ABCC4: variants seen among roughly 807,000 people sequenced by gnomAD.
The protein encoded by ABCC4 is ATP-binding cassette sub-family C member 4.
A neutral mutation model predicts 168.5 loss-of-function variants in ABCC4; 102 were observed. The ratio of observed to expected loss-of-function variants is 0.61; its 90% CI spans 0.52 to 0.71. The LOEUF is 0.71. Ranked by LOEUF, ABCC4 falls within the 30% of genes least tolerant of loss-of-function variation. ABCC4 has a pLI of 0.00. For synonymous variants in ABCC4, 617 were observed against 590.7 expected (o/e 1.04, Z -0.65); for missense variants, 1,402 against 1,605.8 (o/e 0.87, Z 2.17).
chr13:95,115,657 G>C (rs2035350144), intron 20 of ABCC4, among the ~76,000 whole-genome samples: 1 of 152,182 alleles, frequency 6.6e-6, no homozygotes, highest in African/African-American at 2.4e-5. Flanking sequence ...CCTAGAGGCA[G>C]ACGGAGAGCC....
chr13:95,024,907 T>A (rs1188925286), intron 30 of ABCC4, among the ~76,000 whole-genome samples: 3 of 151,982 alleles, frequency 2.0e-5, no homozygotes, highest in Admixed American at 6.6e-5. Context: ...TAAAATATCA[T>A]GAAGGGCTGC....
At chr13:95,198,776 C>T (rs1334270355) in intron 8 of ABCC4, among the ~76,000 whole-genome samples, 1 of 152,038 alleles carries the variant, frequency 6.6e-6, no homozygotes, top group Non-Finnish European at 1.5e-5. Context: ...TACTATGCAG[C>T]CATAAAAAAG....
rs561259138 is a variant in ABCC4 at position 95,175,781 on chromosome 13, C to G, written c.1727+1926G>C. On this transcript the variant is annotated intron_variant, in intron 13 of 30. Transcript: ENST00000645237. ...AAGAAAGCCCTCGGGAGGAGCTGCA[C>G]CTGCAGATGCATTGATCTCACACAT... is the stretch of plus-strand genomic sequence containing the variant. Among the ~76,000 whole-genome samples, 15 of 152,326 alleles carry G rather than the reference C, an allele frequency of 9.8e-5. 1 individual carries two copies. In the South Asian group the frequency reaches 2.7e-3, roughly 27 times the overall value.
At position 95,170,616 on chromosome 13, in the gene ABCC4, T is replaced by C. The variant is rs369698883; in HGVS notation, c.1740A>G (p.Gln580=). The change falls in exon 14 of 31, where the codon CAA becomes CAG. Residue 580 remains glutamine (Q), a synonymous_variant. Coordinates refer to ENST00000645237, the MANE Select transcript of ABCC4 (RefSeq NM_005845.5). ...AAATTGTGATCTTCTCATGCAAAAT[T>C]TGACAAATACACCTATAAATGTAAA... The part of the protein sequence containing the change: ...SRHLFELCIC[Q]ILHEKITILV... 50 of 1,610,110 alleles carry C rather than the reference T, an allele frequency of 3.1e-5. No homozygotes were observed. The highest frequency in any genetic ancestry group is 4.0e-5 in the Non-Finnish European group (47 of 1,178,320).
intron 13 of ABCC4, among the ~76,000 whole-genome samples, chr13:95,174,674 C>T (rs1175374070): frequency 6.6e-6 from 1 of 152,188 alleles, no homozygotes; most frequent in African/African-American, 2.4e-5. Flanking sequence ...CCTCCTTCCC[C>T]GCGGCGACTC....
intron 19 of ABCC4, among the ~76,000 whole-genome samples, chr13:95,131,246 AG>A (rs2035949090): frequency 6.6e-6 from 1 of 152,184 alleles, no homozygotes; most frequent in South Asian, 2.1e-4. Flanking sequence ...GATTAAAAAA[AG>A]GGGAAGCATG....
At position 95,210,682 on chromosome 13, in the gene ABCC4, T is replaced by G; in HGVS notation, c.621+10A>C. ...ATGCAATGAAAAAGGATCCCTGAGCTGCAGCTTACCTGATCAAACTTGTTC... is the reference window on the plus strand; with the variant it reads ...ATGCAATGAAAAAGGATCCCTGAGCGGCAGCTTACCTGATCAAACTTGTTC... On this transcript the variant is annotated intron_variant, in intron 5 of 30. Coordinates refer to ENST00000645237, the MANE Select transcript of ABCC4 (RefSeq NM_005845.5). 6.2e-7 allele frequency: 1 copy of G among 1,612,356 alleles called. No individual in the cohort carries two copies.
rs547326507 is a variant in ABCC4, at chr13:95,246,121, A to G, written c.306+854T>C. On this transcript the variant is annotated intron_variant, in intron 3 of 30. Coordinates refer to ENST00000645237, the MANE Select transcript of ABCC4 (RefSeq NM_005845.5). ...CCTAGGCAGAACACTGTCTTTCTGC[A>G]GATCTCAAGAGAGGCCCTTCGGGGT... Among the ~76,000 whole-genome samples the G allele has an allele frequency of 3.9e-5, 6 of 152,296 alleles. No homozygotes were observed. The South Asian group carries it at 1.2e-3, about 32-fold the overall frequency.
intron 3 of ABCC4, among the ~76,000 whole-genome samples, chr13:95,239,377 A>C (rs1336845747): frequency 6.6e-6 from 1 of 152,194 alleles, no homozygotes; most frequent in Non-Finnish European, 1.5e-5. Flanking sequence ...ATTTGGAAAT[A>C]CCCACATAAA....
At chr13:95,101,354 ATT>A (rs4148526) in intron 20 of ABCC4, among the ~76,000 whole-genome samples, 22 of 141,830 alleles carry the variant, frequency 1.6e-4, no homozygotes, top group African/African-American at 2.1e-4. Flanking sequence ...CAAGCTGCTG[ATT>A]TTTTTTTTTT....
In ABCC4 at chr13:95,197,960, A is replaced by G. The variant is rs117224332; in HGVS notation, c.1162-3023T>C. On this transcript the variant is annotated intron_variant, in intron 8 of 30. Coordinates refer to ENST00000645237, the MANE Select transcript of ABCC4 (RefSeq NM_005845.5). ...GGAAATTGAAAAGTATGAGTAAGAA[A>G]GACAATAGATTAAAGACTTAAATAT... 6.2e-4 allele frequency among the ~76,000 whole-genome samples: 94 copies of G among 152,278 alleles called. 2 individuals carry two copies. In the East Asian group the frequency reaches 0.016, roughly 27 times the overall value.
At chr13:95,056,032 T>C (rs1340977969) in intron 26 of ABCC4, among the ~76,000 whole-genome samples, 1 of 152,132 alleles carries the variant, frequency 6.6e-6, no homozygotes. Flanking sequence ...CATATAAACT[T>C]CTGGAAGACA....
At chr13:95,256,668 G>A (rs1487390177) in intron 1 of ABCC4, among the ~76,000 whole-genome samples, 3 of 152,022 alleles carry the variant, frequency 2.0e-5, no homozygotes, top group Admixed American at 6.6e-5. Context: ...TGAGGTGGGA[G>A]AATCACCTGA....
At chr13:95,035,216 A>G (rs538948051) in intron 29 of ABCC4, among the ~76,000 whole-genome samples, 1 of 152,356 alleles carries the variant, frequency 6.6e-6, no homozygotes, top group African/African-American at 2.4e-5. Flanking sequence ...AGCCAGTTTC[A>G]TAGACTCTAA....
At chr13:95,292,780 G>A (rs985361591) in intron 1 of ABCC4, among the ~76,000 whole-genome samples, 12 of 152,118 alleles carry the variant, frequency 7.9e-5, no homozygotes, top group South Asian at 4.1e-4. Context: ...AGGAGCTAGC[G>A]CAGAGAAAAG....
intron 26 of ABCC4, among the ~76,000 whole-genome samples, chr13:95,057,484 C>G (rs937391636): frequency 6.6e-6 from 1 of 152,134 alleles, no homozygotes; most frequent in African/African-American, 2.4e-5. Flanking sequence ...GTGATCCACC[C>G]TCCTTGGCCT....
chr13:95,242,975 T>A (rs1185490276), intron 3 of ABCC4, among the ~76,000 whole-genome samples: 1 of 152,254 alleles, frequency 6.6e-6, no homozygotes. Flanking sequence ...CCAGTTATTA[T>A]GTTAAAGACA....
At chr13:95,276,355 C>G (rs1489223167) in intron 1 of ABCC4, among the ~76,000 whole-genome samples, 1 of 146,112 alleles carries the variant, frequency 6.8e-6, no homozygotes, top group East Asian at 2.0e-4. Flanking sequence ...GTCAAGGCTG[C>G]AGTGAGCCAT....
intron 1 of ABCC4, among the ~76,000 whole-genome samples, chr13:95,299,007 C>A (rs1447371694): frequency 2.0e-5 from 3 of 152,048 alleles, no homozygotes; most frequent in African/African-American, 7.2e-5. Context: ...TAATCCCAGA[C>A]TTTGGGTGGC....
Sources: allele counts gnomAD v4.1 joint callset (sites outside exome capture counted in the v4.1 genomes callset), GRCh38; gene constraint gnomAD v4.1.1; transcripts MANE v1.5; gene names NCBI Gene and HGNC (gene_info 2026-07-23, HGNC 2026-07-21).